SLC12A7: variants seen among roughly 807,000 people sequenced by gnomAD.
SLC12A7 encodes K-Cl cotransporter 4.
A neutral mutation model predicts 120.6 loss-of-function variants in SLC12A7; 100 were observed. The ratio of observed to expected loss-of-function variants is 0.83; its 90% CI spans 0.71 to 0.98. The LOEUF is 0.98. Among genes scored for constraint, SLC12A7 ranks in the 50% least tolerant of loss-of-function variants. The pLI is 0.00. For synonymous variants in SLC12A7, 760 were observed against 678.0 expected, an observed-to-expected ratio of 1.12 and a Z score of -1.88; for missense variants, 1,373 against 1,548.1, an observed-to-expected ratio of 0.89 and a Z score of 1.90.
the SLC12A7 span, among the ~76,000 whole-genome samples, chr5:1,138,266 G>A: frequency 6.6e-6 from 1 of 152,194 alleles, no homozygotes; most frequent in Non-Finnish European, 1.5e-5. Flanking sequence ...GCGGGGTGGG[G>A]CAGGGCAGGG....
At chr5:1,151,347 T>C in the SLC12A7 span, among the ~76,000 whole-genome samples, 1 of 152,018 alleles carries the variant, frequency 6.6e-6, no homozygotes, top group Non-Finnish European at 1.5e-5. The surrounding 1 kb of genome is among the most constrained non-coding windows in gnomAD (Gnocchi z 6.2). Context: ...TCGGCACACA[T>C]CTCATTGAAG....
At position 1,083,832 on chromosome 5, in the gene SLC12A7, G is replaced by T. The variant is rs373696094; in HGVS notation, c.1042C>A (p.Pro348Thr). The change falls in exon 8 of 24, where the codon CCC (proline) becomes ACC (threonine). Residue 348 changes from proline (P) to threonine (T), a missense_variant. Transcript: ENST00000264930. ...AAGTACTCGTCACAGGCGGCGCTGG[G>T]CTGGGAGCCGTTGCAGAAGAGGCCC... The part of the protein sequence containing the change: ...LWGLFCNGSQ[P>T]SAACDEYFIQ... 1.2e-6 allele frequency: 2 copies of T among 1,609,042 alleles called. No individual in the cohort carries two copies. The highest frequency in any genetic ancestry group is 1.7e-4 in the Middle Eastern group (1 of 6,044).
rs1561078553 is a variant in SLC12A7, at chr5:1,085,246, G to A, written c.903C>T (p.Asp301=). 2.5e-6 allele frequency: 4 copies of A among 1,612,454 alleles called. No individual in the cohort carries two copies. Among genetic ancestry groups the A allele is most frequent in the South Asian group, 1.1e-5 (1 of 91,040 alleles). Residue 301 remains aspartate, a synonymous_variant, in exon 7 of 24, where the codon GAC becomes GAT. Coordinates refer to ENST00000264930, the MANE Select transcript of SLC12A7 (RefSeq NM_006598.3). ...CCGAGACTCACGGGATGTCCGGGGG[G>A]TCGAAGGCAGACTTGATGACGCCGG... ...IYAGVIKSAF[D]PPDIPVCLLG... is the part of the protein sequence containing the mutation.
the SLC12A7 span, among the ~76,000 whole-genome samples, chr5:1,123,976 C>T: frequency 9.9e-5 from 15 of 152,212 alleles, no homozygotes; most frequent in African/African-American, 3.4e-4. Flanking sequence ...CTAAATTCAT[C>T]GCTCTCAGTG....
rs756911884 is a variant in SLC12A7 at position 1,088,301 on chromosome 5, C to G, written c.544+5G>C. The G allele has an allele frequency of 6.3e-7, 1 of 1,584,080 alleles. No individual in the cohort carries two copies. Among genetic ancestry groups the G allele is most frequent in the Non-Finnish European group, 8.6e-7 (1 of 1,165,770 alleles). ...TCAGGGCCGCGGCTGGCGGGCACCC[C>G]TTACCTGGGACCACACCGTTGGTAG... On this transcript the variant is annotated splice_donor_5th_base_variant and intron_variant, in intron 5 of 23. Transcript: ENST00000264930.
intron 21 of SLC12A7, among the ~76,000 whole-genome samples, chr5:1,059,616 TCA>T (rs1735975862): frequency 6.6e-6 from 1 of 152,098 alleles, no homozygotes; most frequent in Non-Finnish European, 1.5e-5. Context: ...CCTTGGGGTC[TCA>T]CAGTGGCCAT....
intron 18 of SLC12A7, 102 bp downstream of exon 18, chr5:1,065,181 G>T: frequency 3.1e-6 from 3 of 960,446 alleles, no homozygotes; most frequent in Non-Finnish European, 4.4e-6. Flanking sequence ...TGAGAGGACA[G>T]CGAGGGGACA....
chr5:1,107,738 A>G (rs902324259), intron 1 of SLC12A7, among the ~76,000 whole-genome samples: 1 of 152,122 alleles, frequency 6.6e-6, no homozygotes, highest in Non-Finnish European at 1.5e-5. Flanking sequence ...ACAGAAAACC[A>G]CCGTGGAATC....
intron 6 of SLC12A7, among the ~76,000 whole-genome samples, chr5:1,086,089 G>A (rs1000830250): frequency 1.5e-4 from 23 of 152,164 alleles, no homozygotes; most frequent in African/African-American, 5.1e-4. Flanking sequence ...CTGGGAGTGC[G>A]GCAGCCACGG....
rs912700669 is a variant in SLC12A7, at chr5:1,111,462, G to A, written c.124+406C>T. On this transcript the variant is annotated intron_variant, in intron 1 of 23. Coordinates refer to ENST00000264930, the MANE Select transcript of SLC12A7 (RefSeq NM_006598.3). The stretch of plus-strand genomic sequence containing the variant: ...TGTTACCGGACGGCCGCGGCGCAGG[G>A]GAAGGGAGAGCGCGGGGGACGCAGG... Among the ~76,000 whole-genome samples the A allele has an allele frequency of 3.9e-5, 6 of 152,220 alleles. No individual in the cohort carries two copies. In the South Asian group the frequency reaches 1.2e-3, roughly 32 times the overall value.
chr5:1,088,902 G>C (rs1275889319), intron 4 of SLC12A7, 80 bp downstream of exon 4: 2 of 1,567,730 alleles, frequency 1.3e-6, no homozygotes, highest in Non-Finnish European at 1.7e-6. Flanking sequence ...GCGGCCAGGG[G>C]AGACGGCATC....
chr5:1,113,461 C>A (rs540871598), upstream of SLC12A7, among the ~76,000 whole-genome samples: 1 of 152,320 alleles, frequency 6.6e-6, no homozygotes, highest in Non-Finnish European at 1.5e-5. Context: ...CCCCTTTGCC[C>A]CATGGACTCT....
At chr5:1,085,629 C>A (rs891334725) in intron 6 of SLC12A7, among the ~76,000 whole-genome samples, 156 bp from the exon 7 acceptor site, 1 of 148,166 alleles carries the variant, frequency 6.7e-6, no homozygotes, top group African/African-American at 2.6e-5. Context: ...CGGGGGTCAG[C>A]GCACAGGCAA....
chr5:1,113,603 C>T (rs137997046), upstream of SLC12A7, among the ~76,000 whole-genome samples: 373 of 152,268 alleles, frequency 2.4e-3, 2 homozygotes, highest in African/African-American at 8.7e-3. Context: ...CCCCACCTCC[C>T]ACCAAAGGGA....
At chr5:1,060,124 ACGCCCAGGCTCCGAT>A (rs1736030694) in intron 21 of SLC12A7, among the ~76,000 whole-genome samples, 1 of 152,174 alleles carries the variant, frequency 6.6e-6, no homozygotes, top group Admixed American at 6.5e-5. Context: ...AGGCACCCGC[ACGCCCAGGCTCCGAT>A]GAGCTCTGGC....
chr5:1,105,063 AG>A (rs2150906094), intron 1 of SLC12A7, among the ~76,000 whole-genome samples: 1 of 136,380 alleles, frequency 7.3e-6, no homozygotes, highest in East Asian at 2.3e-4. Context: ...CCAGCCAAAG[AG>A]GAGCCTCCCC....
At chr5:1,104,438 G>A (rs910396159) in intron 1 of SLC12A7, among the ~76,000 whole-genome samples, 2 of 152,230 alleles carry the variant, frequency 1.3e-5, no homozygotes, top group African/African-American at 2.4e-5. Context: ...CCCACCATGA[G>A]GACAGCTCCA....
chr5:1,085,417 C>G lies in SLC12A7; in HGVS notation c.732G>C (p.Ala244=), dbSNP rs139067828. ...CACGCATGTTGTGCAGCATGGCGGC[C>G]GCCTCGCCACCTGCAGCCTCCGCCT... ...IFQAEAAGGE[A]AAMLHNMRVY... Residue 244 remains alanine (A), a synonymous_variant, in exon 7 of 24, where the codon GCG becomes GCC. Coordinates refer to ENST00000264930, the MANE Select transcript of SLC12A7 (RefSeq NM_006598.3). The G allele has an allele frequency of 6.2e-7, 1 of 1,609,740 alleles. No homozygotes were observed. Among genetic ancestry groups the G allele is most frequent in the Non-Finnish European group, 8.5e-7 (1 of 1,178,754 alleles).
chr5:1,078,401 C>A, intron 11 of SLC12A7: 1 of 559,630 alleles, frequency 1.8e-6, no homozygotes, highest in Non-Finnish European at 3.2e-6. Flanking sequence ...GCCAGCAGGG[C>A]TGAGGGATCT....
Sources: gnomAD v4.1 joint callset for allele counts (sites outside exome capture counted in the v4.1 genomes callset) on GRCh38, gnomAD v4.1.1 for gene constraint, Gnocchi (gnomAD v3.1) non-coding constraint, MANE v1.5 for transcripts, NCBI Gene and HGNC (gene_info 2026-07-23, HGNC 2026-07-21) for gene names.